SGMS1: variants seen among roughly 807,000 people sequenced by gnomAD.
The protein encoded by SGMS1 is phosphatidylcholine:ceramide cholinephosphotransferase 1.
A neutral mutation model predicts 46.2 loss-of-function variants in SGMS1; 13 were observed. The ratio of observed to expected loss-of-function variants is 0.28; its 90% CI spans 0.18 to 0.45. The LOEUF is 0.45. SGMS1 is among the 20% of genes least tolerant of loss of function. SGMS1 has a pLI of 1.00. For missense variants in SGMS1, 324 were observed against 519.9 expected (o/e 0.62, Z 3.66); for synonymous variants, 203 against 187.8 (o/e 1.08, Z -0.66).
At chr10:50,399,682 G>T (rs958555508) in intron 6 of SGMS1, among the ~76,000 whole-genome samples, 1 of 152,138 alleles carries the variant, frequency 6.6e-6, no homozygotes, top group African/African-American at 2.4e-5. Context: ...TGTTCATTAT[G>T]CTTAGCTCTT....
intron 6 of SGMS1, among the ~76,000 whole-genome samples, chr10:50,428,611 G>C (rs1849360712): frequency 6.6e-6 from 1 of 152,172 alleles, no homozygotes; most frequent in African/African-American, 2.4e-5. Flanking sequence ...ACTTTATGCT[G>C]TTCTCATAAT....
intron 3 of SGMS1, among the ~76,000 whole-genome samples, chr10:50,514,594 GTCATGCCACA>G (rs1291091943): frequency 6.6e-6 from 1 of 152,168 alleles, no homozygotes; most frequent in Non-Finnish European, 1.5e-5. Context: ...TGGGAACTAG[GTCATGCCACA>G]TCTTTGGGGG....
At chr10:50,440,020 C>T (rs531895364) in intron 5 of SGMS1, among the ~76,000 whole-genome samples, 1 of 152,142 alleles carries the variant, frequency 6.6e-6, no homozygotes, top group South Asian at 2.1e-4. Context: ...CACAAGTAAC[C>T]ACATCTAAAC....
At chr10:50,390,202 T>C (rs943214714) in intron 6 of SGMS1, among the ~76,000 whole-genome samples, 1 of 152,220 alleles carries the variant, frequency 6.6e-6, no homozygotes, top group African/African-American at 2.4e-5. Flanking sequence ...ACATGTAACG[T>C]CACTAAATCA....
intron 7 of SGMS1, 48 bp downstream of exon 7, chr10:50,343,444 A>G (rs1211388688): frequency 1.3e-6 from 2 of 1,500,428 alleles, no homozygotes; most frequent in Middle Eastern, 1.9e-4. Flanking sequence ...AGATGTTTGG[A>G]GTGCAAATCC....
At chr10:50,326,887 G>A (rs566852374) in intron 8 of SGMS1, among the ~76,000 whole-genome samples, 26 of 152,102 alleles carry the variant, frequency 1.7e-4, no homozygotes, top group Non-Finnish European at 2.9e-4. Context: ...CTCTCCCTCC[G>A]AGGGAGAGGA....
At chr10:50,507,476 T>C (rs986244153) in intron 3 of SGMS1, among the ~76,000 whole-genome samples, 48 of 152,244 alleles carry the variant, frequency 3.2e-4, no homozygotes, top group African/African-American at 1.1e-3. Flanking sequence ...TGGACATTCC[T>C]TTATCAAACA....
At chr10:50,505,322 C>T (rs1837697450) in intron 3 of SGMS1, among the ~76,000 whole-genome samples, 1 of 152,112 alleles carries the variant, frequency 6.6e-6, no homozygotes, top group Non-Finnish European at 1.5e-5. Context: ...TAGTCAATAC[C>T]AGATAGAGGG....
chr10:50,527,973 A>G, intron 2 of SGMS1, among the ~76,000 whole-genome samples: 1 of 152,224 alleles, frequency 6.6e-6, no homozygotes, highest in Non-Finnish European at 1.5e-5. Context: ...AAATGAGAAA[A>G]TTTATGAAAG....
intron 1 of SGMS1, among the ~76,000 whole-genome samples, chr10:50,598,970 TCAA>T (rs1472106901): frequency 2.6e-5 from 4 of 152,024 alleles, no homozygotes; most frequent in Admixed American, 1.3e-4. Flanking sequence ...AGTGAAACCA[TCAA>T]CATGTCTGAA....
intron 5 of SGMS1, among the ~76,000 whole-genome samples, chr10:50,437,047 A>T (rs765428614): frequency 6.6e-6 from 1 of 152,252 alleles, no homozygotes; most frequent in Non-Finnish European, 1.5e-5. Context: ...AGATGTTGTT[A>T]TATGGGTTAA....
At chr10:50,553,695 C>G (rs1203950615) in intron 2 of SGMS1, among the ~76,000 whole-genome samples, 1 of 152,186 alleles carries the variant, frequency 6.6e-6, no homozygotes, top group East Asian at 1.9e-4. Context: ...TAAACTATGA[C>G]AGCTAATAGC....
At chr10:50,440,060 G>C (rs1849521908) in intron 5 of SGMS1, among the ~76,000 whole-genome samples, 1 of 152,132 alleles carries the variant, frequency 6.6e-6, no homozygotes, top group East Asian at 1.9e-4. Context: ...AAAGATTTCT[G>C]GTATGTATTT....
At chr10:50,327,100 C>T in intron 8 of SGMS1, 105 bp downstream of exon 8, 1 of 664,652 alleles carries the variant, frequency 1.5e-6, no homozygotes, top group East Asian at 2.7e-5. Context: ...AGAGGAGTGA[C>T]TCCACTGTAT....
At chr10:50,334,200 A>C (rs574775846) in intron 7 of SGMS1, among the ~76,000 whole-genome samples, 1 of 152,386 alleles carries the variant, frequency 6.6e-6, no homozygotes, top group South Asian at 2.1e-4. Context: ...TGAGATAGTT[A>C]TGTAGAATTA....
intron 6 of SGMS1, among the ~76,000 whole-genome samples, chr10:50,405,322 G>A (rs1464476697): frequency 1.3e-5 from 2 of 152,202 alleles, no homozygotes; most frequent in East Asian, 3.9e-4. Flanking sequence ...GGCTTTTCAG[G>A]AGAGTTCTGA....
intron 1 of SGMS1, among the ~76,000 whole-genome samples, chr10:50,606,804 G>A (rs995202220): frequency 6.6e-6 from 1 of 152,166 alleles, no homozygotes; most frequent in African/African-American, 2.4e-5. Flanking sequence ...AATATCTGCT[G>A]TTAGTATCCA....
intron 5 of SGMS1, among the ~76,000 whole-genome samples, chr10:50,456,327 C>T (rs954476129): frequency 2.0e-5 from 3 of 150,976 alleles, no homozygotes; most frequent in African/African-American, 7.4e-5. Flanking sequence ...AGGCTTTGTC[C>T]TCCCTCACCC....
intron 3 of SGMS1, among the ~76,000 whole-genome samples, chr10:50,488,392 C>T (rs1255745008): frequency 6.6e-6 from 1 of 152,180 alleles, no homozygotes; most frequent in Admixed American, 6.5e-5. Context: ...ATCATTAGAA[C>T]ACTGATTACA....
Sources: gnomAD v4.1 joint callset for allele counts (sites outside exome capture counted in the v4.1 genomes callset) on GRCh38, gnomAD v4.1.1 for gene constraint, MANE v1.5 for transcripts, NCBI Gene and HGNC (gene_info 2026-07-23, HGNC 2026-07-21) for gene names.